Variants in CDH13 observed in about 807,000 individuals in gnomAD.
CDH13 encodes the protein cadherin-13.
A neutral mutation model predicts 63.8 loss-of-function variants in CDH13; 24 were observed. The observed-to-expected ratio is 0.38, with a 90% CI of 0.27 to 0.53. The LOEUF is 0.53. Ranked by LOEUF, CDH13 falls within the 20% of genes least tolerant of loss-of-function variation. CDH13 has a pLI of 0.85. For missense variants in CDH13, 1,049 were observed against 903.1 expected (o/e 1.16, Z -2.07); for synonymous variants, 503 against 355.3 (o/e 1.42, Z -4.67).
chr16:82,719,145 T>A (rs1567463164), intron 1 of CDH13, among the ~76,000 whole-genome samples: 1 of 152,138 alleles, frequency 6.6e-6, no homozygotes, highest in Non-Finnish European at 1.5e-5. Flanking sequence ...TGTTGCTGTT[T>A]TTCTGCTGGG....
chr16:83,582,127 G>T (rs8054307), intron 7 of CDH13, among the ~76,000 whole-genome samples: 105,005 of 151,962 alleles, frequency 0.69, 36,969 homozygotes, highest in Middle Eastern at 0.77. Context: ...TAGGGTGTAA[G>T]GGAAAAAGAG....
At chr16:83,719,469 C>T (rs970305368) in intron 10 of CDH13, among the ~76,000 whole-genome samples, 4 of 152,082 alleles carry the variant, frequency 2.6e-5, no homozygotes, top group Admixed American at 6.5e-5. Flanking sequence ...ACACAGGATC[C>T]GTAGCCTGAA....
intron 2 of CDH13, among the ~76,000 whole-genome samples, chr16:82,977,503 T>A (rs1329083378): frequency 6.6e-6 from 1 of 152,206 alleles, no homozygotes; most frequent in African/African-American, 2.4e-5. Flanking sequence ...TGGTTTTATA[T>A]GGGGCTTTTC....
At chr16:82,900,821 A>G (rs1404644031) in intron 2 of CDH13, among the ~76,000 whole-genome samples, 1 of 152,246 alleles carries the variant, frequency 6.6e-6, no homozygotes, top group Non-Finnish European at 1.5e-5. Flanking sequence ...CTGGCTGGGT[A>G]AATGCCAAGA....
At chr16:83,362,232 C>T (rs947717218) in intron 6 of CDH13, among the ~76,000 whole-genome samples, 3 of 152,198 alleles carry the variant, frequency 2.0e-5, no homozygotes, top group Admixed American at 6.5e-5. Flanking sequence ...TAAATTTCCA[C>T]GCACATCCAC....
At chr16:83,063,542 G>A (rs1298286654) in intron 3 of CDH13, among the ~76,000 whole-genome samples, 1 of 152,216 alleles carries the variant, frequency 6.6e-6, no homozygotes, top group African/African-American at 2.4e-5. Flanking sequence ...GAGATGGACA[G>A]AGATGATTTA....
chr16:83,070,770 T>G (rs1227364437), intron 3 of CDH13, among the ~76,000 whole-genome samples: 2 of 151,040 alleles, frequency 1.3e-5, no homozygotes, highest in African/African-American at 4.9e-5. Flanking sequence ...GAAATTCAAA[T>G]GTAAAAACCT....
intron 3 of CDH13, among the ~76,000 whole-genome samples, chr16:83,050,338 A>G (rs4077971): frequency 0.028 from 4,297 of 152,220 alleles, 212 homozygotes; most frequent in African/African-American, 0.098. Flanking sequence ...TCATATGATA[A>G]TTCTATATTC....
chr16:83,727,762 C>G (rs1173301853), intron 10 of CDH13, among the ~76,000 whole-genome samples: 1 of 152,060 alleles, frequency 6.6e-6, no homozygotes, highest in East Asian at 1.9e-4. Flanking sequence ...AAGGACCAAA[C>G]AGGTTTGGGA....
At chr16:83,420,810 G>A (rs1010318894) in intron 6 of CDH13, among the ~76,000 whole-genome samples, 6 of 152,314 alleles carry the variant, frequency 3.9e-5, no homozygotes, top group African/African-American at 4.8e-5. Context: ...CCAAAGGCCC[G>A]AGAGCTCCTG....
intron 2 of CDH13, among the ~76,000 whole-genome samples, chr16:82,890,701 G>C (rs1030151344): frequency 6.8e-6 from 1 of 146,938 alleles, no homozygotes; most frequent in Non-Finnish European, 1.5e-5. Flanking sequence ...GCCCAGGCTA[G>C]AGTGCAATGG....
intron 6 of CDH13, among the ~76,000 whole-genome samples, chr16:83,347,134 AG>A (rs1453759695): frequency 6.6e-6 from 1 of 152,228 alleles, no homozygotes; most frequent in Non-Finnish European, 1.5e-5. Flanking sequence ...TGGCCCCCGA[AG>A]CATTCATGAG....
chr16:82,987,425 G>A (rs1181154599), intron 2 of CDH13, among the ~76,000 whole-genome samples: 1 of 152,094 alleles, frequency 6.6e-6, no homozygotes, highest in Non-Finnish European at 1.5e-5. Flanking sequence ...CTCCCAGGCT[G>A]GAATACAGTG....
rs1259882862 is a variant in CDH13 at position 82,776,813 on chromosome 16, A to G, written c.46-81549A>G. 3.3e-5 allele frequency among the ~76,000 whole-genome samples: 5 copies of G among 152,172 alleles called. No individual in the cohort carries two copies. The South Asian group carries it at 1.0e-3, about 32-fold the overall frequency. On this transcript the variant is annotated intron_variant, in intron 1 of 13. Coordinates refer to ENST00000567109, the MANE Select transcript of CDH13 (RefSeq NM_001257.5). ...GAAAGAGATGGGAGCTTCCACTTCA[A>G]CCTGGGGTGAAGACAGAGAACAAGG...
At chr16:83,789,288 T>C (rs1053085734) in intron 13 of CDH13, among the ~76,000 whole-genome samples, 7 of 151,912 alleles carry the variant, frequency 4.6e-5, no homozygotes, top group Admixed American at 3.9e-4. Context: ...TAAGCAAGGA[T>C]TGGAGAAGGA....
At chr16:82,718,998 T>C (rs1167518400) in intron 1 of CDH13, among the ~76,000 whole-genome samples, 1 of 152,220 alleles carries the variant, frequency 6.6e-6, no homozygotes. Flanking sequence ...GATTGATGCC[T>C]GTGCCTTGAC....
At chr16:83,401,185 A>C (rs895401442) in intron 6 of CDH13, among the ~76,000 whole-genome samples, 7 of 152,120 alleles carry the variant, frequency 4.6e-5, no homozygotes, top group African/African-American at 1.7e-4. Flanking sequence ...TACCAAAAAT[A>C]CAAAAATTGG....
At chr16:82,718,567 G>A (rs1048407875) in intron 1 of CDH13, among the ~76,000 whole-genome samples, 14 of 152,126 alleles carry the variant, frequency 9.2e-5, no homozygotes, top group African/African-American at 1.7e-4. Flanking sequence ...CCATTTTCAC[G>A]CTGCTGATAA....
intron 1 of CDH13, among the ~76,000 whole-genome samples, chr16:82,711,050 G>A (rs574006141): frequency 6.6e-6 from 1 of 151,784 alleles, no homozygotes; most frequent in African/African-American, 2.4e-5. Context: ...GTAGCTGAAA[G>A]TCTGGGCCAG....
Sources: allele counts gnomAD v4.1 joint callset (sites outside exome capture counted in the v4.1 genomes callset), GRCh38; gene constraint gnomAD v4.1.1; transcripts MANE v1.5; gene names NCBI Gene and HGNC (gene_info 2026-07-23, HGNC 2026-07-21).